Variants in EIF4B observed in about 807,000 individuals in gnomAD.
EIF4B encodes the protein eukaryotic translation initiation factor 4B.
In EIF4B, 8 loss-of-function variants were observed where a neutral mutation model predicts 79.3. That is an observed-to-expected ratio of 0.10 (90% CI 0.06 to 0.18). The LOEUF (loss-of-function observed/expected upper bound fraction) is 0.18. Ranked by LOEUF, EIF4B falls within the 10% of genes least tolerant of loss-of-function variation. EIF4B has a pLI of 1.00. For synonymous variants in EIF4B, 238 were observed against 274.7 expected (o/e 0.87, Z 1.32); for missense variants, 515 against 792.4 (o/e 0.65, Z 4.20).
chr12:53,032,276 T>C (rs1943459716), intron 8 of EIF4B, among the ~76,000 whole-genome samples: 1 of 152,166 alleles, frequency 6.6e-6, no homozygotes, highest in African/African-American at 2.4e-5. Flanking sequence ...GCCCCATCTC[T>C]ACTAAAAATA....
In EIF4B at chr12:53,022,064, TA is replaced by T. The variant is rs1943254413; in HGVS notation, c.532+206del. 17 of 654,410 alleles carry T rather than the reference TA, an allele frequency of 2.6e-5. No individual in the cohort carries two copies. In the South Asian group the frequency reaches 3.0e-4, roughly 12 times the overall value. 40.5% of individuals were successfully genotyped at this position (654,410 alleles called of 1,614,324 possible). Reference sequence around the variant, plus strand: ...ACAATTGGAGGGAGTGCTGCTGACATAAGTAGAATCCAGGGGTTAATTCTAT... The same window carrying T: ...ACAATTGGAGGGAGTGCTGCTGACATAGTAGAATCCAGGGGTTAATTCTAT... On this transcript the variant is annotated intron_variant, in intron 5 of 14. Coordinates refer to ENST00000262056, the MANE Select transcript of EIF4B (RefSeq NM_001417.7).
At chr12:53,018,460 T>C (rs1943182771) in intron 2 of EIF4B, among the ~76,000 whole-genome samples, 1 of 152,252 alleles carries the variant, frequency 6.6e-6, no homozygotes. Context: ...GTCTGAAATC[T>C]GAGTTTGCTT....
chr12:53,019,446 T>TTC lies in EIF4B; in HGVS notation c.360+441_360+442insCT, dbSNP rs1565586255. On this transcript the variant is annotated intron_variant, in intron 3 of 14. Coordinates refer to ENST00000262056, the MANE Select transcript of EIF4B (RefSeq NM_001417.7). ...AATTATATATATATATATTTTTTTT[T>TTC]TTTCTTTTTTTTTTTTTTTTTTTTT... is the stretch of plus-strand genomic sequence containing the variant. 1.1e-4 allele frequency among the ~76,000 whole-genome samples: 12 copies of TTC among 111,762 alleles called. No homozygotes were observed. The East Asian group carries it at 1.5e-3, about 14-fold the overall frequency. The allele number at this position is 111,762 out of a possible 152,430, so 73.3% of individuals were successfully genotyped here.
At position 53,040,164 on chromosome 12, in the gene EIF4B, T is replaced by C. The variant is rs200189838; in HGVS notation, c.1777T>C (p.Tyr593His). ...PASKFSSASK[Y>H]AALSVDGEDE... ...ACAGAAGTTCAGTTCTGCAAGCAAGTATGCTGCTCTCTCTGTTGATGGTGA... is the reference window on the plus strand; with the variant it reads ...ACAGAAGTTCAGTTCTGCAAGCAAGCATGCTGCTCTCTCTGTTGATGGTGA... Residue 593 changes from tyrosine (Y) to histidine (H), a missense_variant, in exon 15 of 15, where the codon TAT (tyrosine) becomes CAT (histidine). Physicochemically the swap from Tyr to His is moderately conservative, Grantham distance 83. This residue lies in a region of EIF4B where 60 missense variants were observed against 56.7 expected (regional missense o/e 1.06). Coordinates refer to ENST00000262056, the MANE Select transcript of EIF4B (RefSeq NM_001417.7). 4.3e-5 allele frequency: 70 copies of C among 1,614,082 alleles called. No individual in the cohort carries two copies. The highest frequency in any genetic ancestry group is 5.7e-5 in the Non-Finnish European group (67 of 1,180,028).
chr12:53,030,554 T>C (rs1592224928), intron 8 of EIF4B, among the ~76,000 whole-genome samples: 1 of 150,774 alleles, frequency 6.6e-6, no homozygotes, highest in South Asian at 2.1e-4. Context: ...CCCAAGTAGC[T>C]GGGCTTGCCA....
intron 5 of EIF4B, 170 bp downstream of exon 5, chr12:53,022,030 G>A: frequency 1.3e-6 from 1 of 742,778 alleles, no homozygotes. Flanking sequence ...TGAAGACATT[G>A]TAGTTGTCAC....
intron 1 of EIF4B, among the ~76,000 whole-genome samples, chr12:53,009,822 A>C (rs966784670): frequency 6.6e-6 from 1 of 152,274 alleles, no homozygotes; most frequent in Non-Finnish European, 1.5e-5. Context: ...CAAATACAGA[A>C]TAGTGTCAAT....
chr12:53,033,851 C>G lies in EIF4B; in HGVS notation c.1025C>G (p.Pro342Arg). 2 of 1,613,964 alleles carry G rather than the reference C, an allele frequency of 1.2e-6. No individual in the cohort carries two copies. The highest frequency in any genetic ancestry group is 1.7e-6 in the Non-Finnish European group (2 of 1,179,852). Residue 342 changes from proline to arginine, a missense_variant, in exon 9 of 15, where the codon CCT (proline) becomes CGT (arginine). Pro to Arg is a moderately radical substitution (Grantham distance 103). This residue lies in a region of EIF4B where 187 missense variants were observed against 256.5 expected (regional missense o/e 0.73). Coordinates refer to ENST00000262056, the MANE Select transcript of EIF4B (RefSeq NM_001417.7). Reference protein sequence around the residue: ...PKLNLKPRSTPKEDDSSASTS... With the variant: ...PKLNLKPRSTRKEDDSSASTS... The stretch of plus-strand genomic sequence containing the variant: ...CTGAATCTAAAGCCTCGGAGTACTC[C>G]TAAGGAAGATGATTCCTCTGCTAGT...
At chr12:53,039,048 T>C (rs1174843492) in intron 12 of EIF4B, 190 bp from the exon 13 acceptor site, 1 of 489,384 alleles carries the variant, frequency 2.0e-6, no homozygotes, top group Non-Finnish European at 3.6e-6. Context: ...GGATTTTGTT[T>C]GTTTTTTGTA....
chr12:53,009,427 A>G (rs1000957565), intron 1 of EIF4B, among the ~76,000 whole-genome samples: 3 of 152,084 alleles, frequency 2.0e-5, no homozygotes, highest in Non-Finnish European at 4.4e-5. Context: ...TCCAGGAGGC[A>G]GAGGTTGCAG....
chr12:53,020,541 C>T (rs1403775499), intron 4 of EIF4B, among the ~76,000 whole-genome samples: 1 of 152,086 alleles, frequency 6.6e-6, no homozygotes, highest in Non-Finnish European at 1.5e-5. Context: ...CAACACTGCC[C>T]ACAAAGGTTT....
At position 53,042,067 on chromosome 12, in the gene EIF4B, G is replaced by T. The variant is rs1385847256; in HGVS notation, c.*1844G>T. 2 of 152,504 alleles carry T rather than the reference G, an allele frequency of 1.3e-5. No homozygotes were observed. Among genetic ancestry groups the T allele is most frequent in the African/African-American group, 2.4e-5 (1 of 41,374 alleles). The allele number at this position is 152,504 out of a possible 1,614,324, so 9.4% of individuals were successfully genotyped here. A position where few individuals can be genotyped will look rare whatever the true frequency, so the allele number is the denominator to read the frequency against. On this transcript the variant is annotated 3_prime_UTR_variant, in exon 15 of 15. Transcript: ENST00000262056. ...ATTAATGTCCCGCTCCTGAATACAT[G>T]TAAAATTTGTACAAAAATATCTTCT...
chr12:53,025,262 A>G (rs1943314883), intron 6 of EIF4B: 1 of 455,794 alleles, frequency 2.2e-6, no homozygotes, highest in Middle Eastern at 3.3e-4. Flanking sequence ...GCAGACAATC[A>G]GACCAAGGGT....
chr12:53,026,023 C>T (rs867324161), intron 6 of EIF4B, among the ~76,000 whole-genome samples: 1 of 151,902 alleles, frequency 6.6e-6, no homozygotes, highest in Non-Finnish European at 1.5e-5. Context: ...CGCTTGGACC[C>T]GGGAGGTGGA....
chr12:53,018,692 C>G, intron 2 of EIF4B, 106 bp from the exon 3 acceptor site: 2 of 1,339,214 alleles, frequency 1.5e-6, no homozygotes, highest in Non-Finnish European at 2.1e-6. Context: ...GTCTGGTTTT[C>G]TTGTATAGCA....
chr12:53,033,691 C>G (rs953640581), intron 8 of EIF4B, 115 bp from the exon 9 acceptor site: 2 of 1,169,018 alleles, frequency 1.7e-6, no homozygotes, highest in Middle Eastern at 2.0e-4. Context: ...ATTGGTTAGG[C>G]CACTAACTTG....
At chr12:53,022,004 G>A in intron 5 of EIF4B, 144 bp downstream of exon 5, 1 of 919,358 alleles carries the variant, frequency 1.1e-6, no homozygotes, top group Non-Finnish European at 1.7e-6. Context: ...CCCCACAGGG[G>A]ACTTCTGGCA....
rs759031205 is a variant in EIF4B, at chr12:53,018,839, G to T, written c.193G>T (p.Ala65Ser). 2 of 1,613,352 alleles carry T rather than the reference G, an allele frequency of 1.2e-6. No individual in the cohort carries two copies. The highest frequency in any genetic ancestry group is 1.7e-6 in the Non-Finnish European group (2 of 1,179,860). Residue 65 changes from alanine (A) to serine (S), a missense_variant, in exon 3 of 15, where the codon GCG (alanine) becomes TCG (serine). Transcript: ENST00000262056. ...WHSNDDDVYR[A>S]PPIDRSILPT... ...CAGTAACGATGACGATGTGTATAGG[G>T]CGCCTCCAATTGACCGTTCCATCCT...
chr12:53,016,978 C>T (rs949294621), intron 2 of EIF4B, among the ~76,000 whole-genome samples: 3 of 152,104 alleles, frequency 2.0e-5, no homozygotes, highest in Non-Finnish European at 4.4e-5. Context: ...TCAGGCTGCT[C>T]GCGATGGCTT....
Sources: allele counts gnomAD v4.1 joint callset (sites outside exome capture counted in the v4.1 genomes callset), GRCh38; gene constraint gnomAD v4.1.1; regional missense constraint gnomAD v4.1.1; transcripts MANE v1.5; gene names NCBI Gene and HGNC (gene_info 2026-07-23, HGNC 2026-07-21).